GTF2I: variants seen among roughly 807,000 people sequenced by gnomAD.
GTF2I encodes general transcription factor II-I.
In GTF2I, 12 loss-of-function variants were observed where a neutral mutation model predicts 67.6. The ratio of observed to expected loss-of-function variants is 0.18; its 90% confidence interval spans 0.11 to 0.29. The LOEUF (loss-of-function observed/expected upper bound fraction) is 0.29, where lower values mean the gene tolerates loss of function less well. Among genes scored for constraint, GTF2I ranks in the 10% least tolerant of loss-of-function variants. The pLI is 1.00. For synonymous variants in GTF2I, 149 were observed against 197.0 expected, an observed-to-expected ratio of 0.76 and a Z score of 2.04; for missense variants, 271 against 580.1, an observed-to-expected ratio of 0.47 and a Z score of 5.47.
chr7:74,745,047 C>CT (rs1217130378), intron 21 of GTF2I, 106 bp downstream of exon 21: 1 of 37,690 alleles, frequency 2.7e-5, no homozygotes, highest in Admixed American at 2.6e-4. Flanking sequence ...GCTGTAAGTC[C>CT]TTGATGGCAA....
At chr7:74,721,033 GTTTA>G (rs1171134957) in intron 12 of GTF2I, among the ~76,000 whole-genome samples, 2 of 151,696 alleles carry the variant, frequency 1.3e-5, no homozygotes, top group Non-Finnish European at 2.9e-5. Context: ...TCATTTATTT[GTTTA>G]TTTATTTATT....
intron 1 of GTF2I, among the ~76,000 whole-genome samples, chr7:74,683,872 A>AT (rs1554394739): frequency 6.6e-6 from 1 of 152,008 alleles, no homozygotes; most frequent in African/African-American, 2.4e-5. Flanking sequence ...GAAAAAAAAA[A>AT]CTTAAAAACT....
Position 74,705,150 on chromosome 7 carries a change from T to C in GTF2I, c.587-14T>C, listed in dbSNP as rs1554400982. On this transcript the variant is annotated splice_polypyrimidine_tract_variant and intron_variant, in intron 6 of 34. Transcript: ENST00000573035. The stretch of plus-strand genomic sequence containing the variant: ...GTTGAAAAACTAACTCCAATTTTTT[T>C]TTTTTGTATGTAGGTGGTCGTGTGA... 9 of 1,573,506 alleles carry C rather than the reference T, an allele frequency of 5.7e-6. No homozygotes were observed. The highest frequency in any genetic ancestry group is 1.3e-5 in the African/African-American group (1 of 74,182).
intron 1 of GTF2I, among the ~76,000 whole-genome samples, chr7:74,662,577 T>G (rs587651411): frequency 1.6e-5 from 2 of 124,542 alleles, no homozygotes; most frequent in African/African-American, 6.0e-5. Flanking sequence ...GGCGGGAGTG[T>G]AGGTGCGTGG....
chr7:74,659,755 C>T (rs1804301680), intron 1 of GTF2I, among the ~76,000 whole-genome samples: 1 of 152,050 alleles, frequency 6.6e-6, no homozygotes, highest in Admixed American at 6.6e-5. Flanking sequence ...GTTGCCTAGG[C>T]TGGTCGGGAA....
chr7:74,700,240 G>A lies in GTF2I; in HGVS notation c.374-7G>A. ...AATGATGTTCATCCGCTTTTCATCT[G>A]CCCCAGGGAAAGCTTTAGGCAAATC... is the stretch of plus-strand genomic sequence containing the variant. On this transcript the variant is annotated splice_polypyrimidine_tract_variant and splice_region_variant and intron_variant, in intron 4 of 34. Coordinates refer to ENST00000573035, the MANE Select transcript of GTF2I (RefSeq NM_032999.4). 6.2e-7 allele frequency: 1 copy of A among 1,612,892 alleles called. No individual in the cohort carries two copies.
At chr7:74,669,133 T>A (rs1306990303) in intron 1 of GTF2I, among the ~76,000 whole-genome samples, 4 of 152,110 alleles carry the variant, frequency 2.6e-5, no homozygotes, top group Admixed American at 1.3e-4. Flanking sequence ...ACAGCATGTT[T>A]CTTGGAAAAT....
chr7:74,743,789 CAG>C (rs1171581504), intron 20 of GTF2I: 1 of 207,020 alleles, frequency 4.8e-6, no homozygotes, highest in Non-Finnish European at 9.8e-6. Flanking sequence ...GAGGCTGAGG[CAG>C]GGGAATGGCT....
intron 1 of GTF2I, among the ~76,000 whole-genome samples, chr7:74,671,191 A>AT (rs1805420726): frequency 7.1e-6 from 1 of 141,596 alleles, no homozygotes; most frequent in South Asian, 2.2e-4. Context: ...GGTTCAAGTG[A>AT]TTCTCTTGCC....
Position 74,733,927 on chromosome 7 carries a change from G to C in GTF2I, c.1309G>C (p.Glu437Gln). The C allele has an allele frequency of 1.9e-6, 3 of 1,611,498 alleles. No homozygotes were observed. The highest frequency in any genetic ancestry group is 1.7e-6 in the Non-Finnish European group (2 of 1,179,692). Residue 437 changes from glutamate to glutamine, a missense_variant, in exon 16 of 35, where the codon GAG becomes CAG. Physicochemically the swap from Glu to Gln is conservative, Grantham distance 29 (BLOSUM62 2). Coordinates refer to ENST00000573035, the MANE Select transcript of GTF2I (RefSeq NM_032999.4). ...GTATTTATTCTCACCTTTCAGACAT[G>C]AGCTTCTGAATTCAACACGTGAAGA... ...ERIRFVIKKH[E>Q]LLNSTREDLQ...
intron 14 of GTF2I, among the ~76,000 whole-genome samples, chr7:74,731,554 T>C (rs1794480680): frequency 1.0e-3 from 1 of 966 alleles, no homozygotes; most frequent in African/African-American, 9.4e-3. Context: ...TTGTTGTTGT[T>C]TTTTTTTTTT....
intron 4 of GTF2I, 172 bp from the exon 5 acceptor site, chr7:74,700,075 G>T: frequency 1.5e-6 from 1 of 677,594 alleles, no homozygotes. Flanking sequence ...TCAGTTTCAG[G>T]TTTAGACCTT....
chr7:74,668,368 A>G (rs143242837), intron 1 of GTF2I, among the ~76,000 whole-genome samples: 1 of 151,324 alleles, frequency 6.6e-6, no homozygotes, highest in East Asian at 1.9e-4. Context: ...TGTAAGAAGT[A>G]TATATAATTA....
chr7:74,704,418 G>A (rs192339904), intron 6 of GTF2I, among the ~76,000 whole-genome samples: 1 of 151,756 alleles, frequency 6.6e-6, no homozygotes, highest in African/African-American at 2.4e-5. Flanking sequence ...AGCCTTCTGA[G>A]TAACTGGGAT....
At chr7:74,702,154 A>G (rs1554400024) in intron 6 of GTF2I, among the ~76,000 whole-genome samples, 1 of 152,164 alleles carries the variant, frequency 6.6e-6, no homozygotes, top group East Asian at 1.9e-4. Flanking sequence ...TTTTGTCTGG[A>G]CATATTCCTT....
rs373939749 is a variant in GTF2I at position 74,688,697 on chromosome 7, T to G, written c.-5-427T>G. 1.4e-4 allele frequency among the ~76,000 whole-genome samples: 22 copies of G among 152,312 alleles called. 1 individual carries two copies. In the East Asian group the frequency reaches 4.2e-3, roughly 29 times the overall value. ...CTATTTTCTTAGTAAGAAGAGAAAC[T>G]TCTCTCCACTCAGCCTCAGTCCACT... On this transcript the variant is annotated intron_variant, in intron 1 of 34. Transcript: ENST00000573035.
intron 1 of GTF2I, chr7:74,687,503 G>A (rs935867278): frequency 2.2e-5 from 21 of 968,472 alleles, no homozygotes; most frequent in African/African-American, 1.2e-4. Flanking sequence ...GATTACAGGC[G>A]TGAGCCACCA....
chr7:74,717,877 T>G (rs1049784006), intron 11 of GTF2I, among the ~76,000 whole-genome samples: 17 of 152,252 alleles, frequency 1.1e-4, no homozygotes, highest in African/African-American at 3.9e-4. Flanking sequence ...TCAAAAATAC[T>G]GATATGCTCA....
intron 3 of GTF2I, among the ~76,000 whole-genome samples, chr7:74,692,811 AG>A (rs1788458877): frequency 6.6e-6 from 1 of 152,046 alleles, no homozygotes; most frequent in Non-Finnish European, 1.5e-5. Context: ...TGCCCAGGCT[AG>A]AGTGCAATGG....
Sources: gnomAD v4.1 joint callset for allele counts (sites outside exome capture counted in the v4.1 genomes callset) on GRCh38, gnomAD v4.1.1 for gene constraint, MANE v1.5 for transcripts, NCBI Gene and HGNC (gene_info 2026-07-23, HGNC 2026-07-21) for gene names.